Variants in TMX1 observed in about 807,000 individuals in gnomAD.
The protein encoded by TMX1 is thioredoxin related transmembrane protein 1.
TMX1 carries 25 observed loss-of-function variants against 36.6 expected under a neutral mutation model. The observed-to-expected ratio is 0.68, with a 90% confidence interval of 0.50 to 0.95. The LOEUF (loss-of-function observed/expected upper bound fraction) is 0.95. Ranked by LOEUF, TMX1 falls within the 40% of genes least tolerant of loss-of-function variation. TMX1 has a pLI of 0.00. For missense variants in TMX1, 347 were observed against 339.6 expected, an observed-to-expected ratio of 1.02 and a Z score of -0.17; for synonymous variants, 133 against 118.0, an observed-to-expected ratio of 1.13 and a Z score of -0.82.
chr14:51,252,711 T>A (rs1221298736), intron 7 of TMX1, among the ~76,000 whole-genome samples: 2 of 152,210 alleles, frequency 1.3e-5, no homozygotes, highest in Non-Finnish European at 2.9e-5. Context: ...GTATGTGTGC[T>A]TGTCTTGATT....
At chr14:51,243,049 G>C (rs1446145700) in intron 1 of TMX1, among the ~76,000 whole-genome samples, 2 of 144,694 alleles carry the variant, frequency 1.4e-5, no homozygotes, top group African/African-American at 5.1e-5. Flanking sequence ...AGAAAGTATA[G>C]TTTTGTGTTT....
chr14:51,251,243 T>G (rs574036873), intron 7 of TMX1, among the ~76,000 whole-genome samples: 8 of 152,224 alleles, frequency 5.3e-5, no homozygotes, highest in Non-Finnish European at 1.0e-4. Context: ...GTACTTTAAA[T>G]TTTGAATTTT....
At chr14:51,243,619 T>G (rs927038892) in intron 1 of TMX1, among the ~76,000 whole-genome samples, 1 of 152,248 alleles carries the variant, frequency 6.6e-6, no homozygotes, top group Non-Finnish European at 1.5e-5. Flanking sequence ...GAAAAAATCC[T>G]GTGTCTTATT....
rs373830133 is a variant in TMX1, at chr14:51,243,864, C to T, written c.161C>T (p.Pro54Leu). The change falls in exon 2 of 8, where the codon CCG becomes CTG. Residue 54 changes from proline to leucine, a missense_variant. Physicochemically the swap from Pro to Leu is moderately conservative, Grantham distance 98. Transcript: ENST00000457354. ...EGDWMIEFYA[P>L]WCPACQNLQP... ...AAATCTGTATTTCTTAGTTATGCCCCGTGGTGCCCTGCTTGTCAAAATCTT... is the reference window on the plus strand; with the variant it reads ...AAATCTGTATTTCTTAGTTATGCCCTGTGGTGCCCTGCTTGTCAAAATCTT... 1.0e-5 allele frequency: 16 copies of T among 1,605,630 alleles called. No individual in the cohort carries two copies. The highest frequency in any genetic ancestry group is 1.3e-5 in the African/African-American group (1 of 74,644).
chr14:51,240,636 G>C (rs1213531295), intron 1 of TMX1, among the ~76,000 whole-genome samples, 192 bp downstream of exon 1: 1 of 152,130 alleles, frequency 6.6e-6, no homozygotes, highest in East Asian at 1.9e-4. Flanking sequence ...TCTCTTACCC[G>C]TGAATGTTAA....
rs1426718407 is a variant in TMX1 at position 51,250,805 on chromosome 14, A to T, written c.664+1040A>T. ...TGCGCCCAGCCATGATGTCTTTCTT[A>T]ACTTAGCTTATTGAGATCAAAATTT... On this transcript the variant is annotated intron_variant, in intron 7 of 7. Coordinates refer to ENST00000457354, the MANE Select transcript of TMX1 (RefSeq NM_030755.5). 4.6e-5 allele frequency among the ~76,000 whole-genome samples: 7 copies of T among 152,094 alleles called. No homozygotes were observed. The East Asian group carries it at 1.3e-3, about 29-fold the overall frequency.
chr14:51,254,416 C>G lies in TMX1; in HGVS notation c.740C>G (p.Ser247Ter), dbSNP rs1363287083. The change falls in exon 8 of 8, where the codon TCA becomes TGA. Residue 247 changes from serine to a stop codon, truncating the protein, a stop_gained. Coordinates refer to ENST00000457354, the MANE Select transcript of TMX1 (RefSeq NM_030755.5). LOFTEE classifies it high-confidence loss of function. ...EEQEADEEDVSEEEAESKEGT... is the reference protein window; with the variant it reads ...EEQEADEEDV ...CAAGAGGCGGATGAAGAAGATGTTT[C>G]AGAAGAAGAAGCTGAAAGTAAAGAA... is the stretch of plus-strand genomic sequence containing the variant. The G allele has an allele frequency of 3.7e-6, 6 of 1,612,282 alleles. No individual in the cohort carries two copies. Among genetic ancestry groups the G allele is most frequent in the Non-Finnish European group, 5.1e-6 (6 of 1,179,222 alleles).
chr14:51,253,273 A>G (rs921955499), intron 7 of TMX1, among the ~76,000 whole-genome samples: 3 of 152,214 alleles, frequency 2.0e-5, no homozygotes, highest in Admixed American at 6.5e-5. Flanking sequence ...TGAAAAAACA[A>G]ATATCTCTAG....
At chr14:51,251,625 C>G (rs2065814137) in intron 7 of TMX1, among the ~76,000 whole-genome samples, 1 of 152,166 alleles carries the variant, frequency 6.6e-6, no homozygotes. Context: ...CCTCCTGTCT[C>G]CCAAGAGTTT....
intron 4 of TMX1, among the ~76,000 whole-genome samples, chr14:51,248,621 C>T (rs1383745232): frequency 6.6e-6 from 1 of 152,172 alleles, no homozygotes; most frequent in African/African-American, 2.4e-5. Context: ...TCTGAAATCT[C>T]ATCTCATAAA....
At chr14:51,253,750 A>G (rs2065825510) in intron 7 of TMX1, among the ~76,000 whole-genome samples, 1 of 152,180 alleles carries the variant, frequency 6.6e-6, no homozygotes, top group South Asian at 2.1e-4. Flanking sequence ...AATCATACAT[A>G]TGGGGGATGA....
chr14:51,247,793 A>G (rs2065793518), intron 4 of TMX1, among the ~76,000 whole-genome samples: 1 of 152,210 alleles, frequency 6.6e-6, no homozygotes, highest in African/African-American at 2.4e-5. Flanking sequence ...GGTCATATGT[A>G]TCATCAAAAA....
chr14:51,254,838 A>G lies in TMX1; in HGVS notation c.*319A>G, dbSNP rs1444065655. The G allele has an allele frequency of 5.6e-6, 1 of 177,910 alleles. No individual in the cohort carries two copies. Among genetic ancestry groups the G allele is most frequent in the Non-Finnish European group, 1.2e-5 (1 of 85,456 alleles). The allele number at this position is 177,910 out of a possible 1,614,324, so 11.0% of individuals were successfully genotyped here. ...AAAATTTACATTTCCCAAGTATTGC[A>G]TTATTGAGGTATTTAAGAAGATTAT... is the stretch of plus-strand genomic sequence containing the variant. On this transcript the variant is annotated 3_prime_UTR_variant, in exon 8 of 8. Coordinates refer to ENST00000457354, the MANE Select transcript of TMX1 (RefSeq NM_030755.5).
intron 2 of TMX1, 120 bp downstream of exon 2, chr14:51,244,091 T>A: frequency 1.3e-6 from 1 of 785,392 alleles, no homozygotes; most frequent in Non-Finnish European, 1.9e-6. Context: ...CCTAACAGTC[T>A]GCAGCTAGTT....
intron 3 of TMX1, 69 bp downstream of exon 3, chr14:51,245,427 T>C (rs748937592): frequency 6.3e-7 from 1 of 1,597,900 alleles, no homozygotes; most frequent in Non-Finnish European, 8.5e-7. Context: ...AGTAGGCCTC[T>C]GGCTTGGATC....
chr14:51,249,533 T>C lies in TMX1; in HGVS notation c.555T>C (p.Ala185=), dbSNP rs1289460527. 2 of 1,613,852 alleles carry C rather than the reference T, an allele frequency of 1.2e-6. No individual in the cohort carries two copies. ...TGTGGGGATCATATACTGTTTTTGC[T>C]TTAGCAACTCTGTTTTCCGGACTGT... ...LPVWGSYTVF[A]LATLFSGLLL... The change falls in exon 6 of 8, where the codon GCT becomes GCC. Residue 185 remains alanine (A), a synonymous_variant. Transcript: ENST00000457354.
chr14:51,245,207 A>C, intron 2 of TMX1, 106 bp from the exon 3 acceptor site: 1 of 1,312,468 alleles, frequency 7.6e-7, no homozygotes, highest in Non-Finnish European at 1.1e-6. Flanking sequence ...ATTAGGTATA[A>C]TTTCATATTC....
intron 4 of TMX1, 98 bp downstream of exon 4, chr14:51,247,318 C>T: frequency 4.1e-6 from 5 of 1,231,420 alleles, no homozygotes; most frequent in South Asian, 1.8e-5. Context: ...GTTTCTTGAG[C>T]TGTTAAGGTA....
chr14:51,246,483 T>TA (rs2065786413), intron 3 of TMX1, among the ~76,000 whole-genome samples: 3 of 152,260 alleles, frequency 2.0e-5, no homozygotes, highest in Admixed American at 2.0e-4. Context: ...TTTTTGCACT[T>TA]AAAGATGTTG....
Sources: allele counts gnomAD v4.1 joint callset (sites outside exome capture counted in the v4.1 genomes callset), GRCh38; gene constraint gnomAD v4.1.1; transcripts MANE v1.5; gene names NCBI Gene and HGNC (gene_info 2026-07-23, HGNC 2026-07-21).